Variants in RMDN2 observed in about 807,000 individuals in gnomAD.
RMDN2 encodes regulator of microtubule dynamics 2.
RMDN2 carries 61 observed loss-of-function variants against 52.8 expected under a neutral mutation model. That is an observed-to-expected ratio of 1.16 (90% confidence interval 0.94 to 1.43). The LOEUF (loss-of-function observed/expected upper bound fraction) is 1.43. RMDN2 is among the 40% of genes most tolerant of loss of function. The probability of loss-of-function intolerance (pLI) is 0.00; values close to 1 mark genes in which losing one functional copy is unlikely to be tolerated. For missense variants in RMDN2, 592 were observed against 475.3 expected (o/e 1.25, Z -2.28); for synonymous variants, 180 against 153.1 (o/e 1.18, Z -1.30).
At chr2:37,938,209 G>C (rs958027617) in intron 2 of RMDN2, among the ~76,000 whole-genome samples, 1 of 152,156 alleles carries the variant, frequency 6.6e-6, no homozygotes, top group Non-Finnish European at 1.5e-5. Context: ...ACTGATTTGT[G>C]TATGTTGAAC....
At chr2:37,953,654 C>T (rs144131154) in intron 2 of RMDN2, among the ~76,000 whole-genome samples, 111 of 152,138 alleles carry the variant, frequency 7.3e-4, no homozygotes, top group Middle Eastern at 3.4e-3. Flanking sequence ...TCTATGAACA[C>T]GTGCATGCAA....
intron 2 of RMDN2, among the ~76,000 whole-genome samples, chr2:37,961,237 C>G (rs1402723026): frequency 6.6e-6 from 1 of 152,084 alleles, no homozygotes; most frequent in East Asian, 1.9e-4. Context: ...GTTGGCCTGT[C>G]TTGCTATGTT....
At chr2:37,927,833 C>T (rs1572664388) in intron 1 of RMDN2, among the ~76,000 whole-genome samples, 1 of 152,178 alleles carries the variant, frequency 6.6e-6, no homozygotes, top group East Asian at 1.9e-4. Flanking sequence ...TACATTTACA[C>T]ATCTAGCAAT....
At chr2:38,020,080 G>C (rs1679228456), downstream of RMDN2, among the ~76,000 whole-genome samples, 1 of 152,048 alleles carries the variant, frequency 6.6e-6, no homozygotes, top group African/African-American at 2.4e-5. Context: ...AACCTTTTTT[G>C]GCACCAGGGG....
chr2:38,018,228 G>A (rs1387585694), downstream of RMDN2, among the ~76,000 whole-genome samples: 2 of 152,178 alleles, frequency 1.3e-5, no homozygotes, highest in Non-Finnish European at 2.9e-5. Flanking sequence ...CATTCGGAAA[G>A]CATTCAATGC....
chr2:37,983,447 A>C (rs1417348042), intron 5 of RMDN2, among the ~76,000 whole-genome samples: 1 of 152,220 alleles, frequency 6.6e-6, no homozygotes, highest in African/African-American at 2.4e-5. Flanking sequence ...CATAGCATTT[A>C]ACCCCAGTAT....
At chr2:38,056,844 A>G (rs1456220055) in intron 10 of RMDN2, among the ~76,000 whole-genome samples, 1 of 152,206 alleles carries the variant, frequency 6.6e-6, no homozygotes, top group Non-Finnish European at 1.5e-5. Flanking sequence ...TAGTTATGTT[A>G]TTACACTGTG....
chr2:37,977,031 T>G (rs1042938415), intron 4 of RMDN2, among the ~76,000 whole-genome samples: 3 of 152,068 alleles, frequency 2.0e-5, no homozygotes, highest in Non-Finnish European at 4.4e-5. Context: ...TACTTCAGAT[T>G]AGGGAGTGGT....
chr2:37,982,290 G>C (rs1333220826), intron 5 of RMDN2, among the ~76,000 whole-genome samples: 1 of 152,132 alleles, frequency 6.6e-6, no homozygotes, highest in Non-Finnish European at 1.5e-5. Flanking sequence ...CCAGCAGGGG[G>C]AGCTCCACTC....
chr2:38,017,540 A>G lies in RMDN2; in HGVS notation c.*301A>G, dbSNP rs1290411601. 1 of 1,135,690 alleles carries G rather than the reference A, an allele frequency of 8.8e-7. No homozygotes were observed. Among genetic ancestry groups the G allele is most frequent in the Non-Finnish European group, 1.2e-6 (1 of 859,664 alleles). The allele number at this position is 1,135,690 out of a possible 1,614,324, so 70.4% of individuals were successfully genotyped here. ...TTAAATAAAATATTTAAATCCAATA[A>G]AATGAATTCTCATGAATATTTTATT... On this transcript the variant is annotated 3_prime_UTR_variant, in exon 11 of 11. Coordinates refer to ENST00000354545, the MANE Select transcript of RMDN2 (RefSeq NM_001170791.3).
intron 2 of RMDN2, chr2:37,951,630 A>G (rs1179774179): frequency 6.2e-7 from 1 of 1,613,350 alleles, no homozygotes; most frequent in African/African-American, 1.3e-5. Context: ...TTCCTATTAC[A>G]AGAGTGCCAT....
At chr2:38,056,837 TTA>T (rs1681871559) in intron 10 of RMDN2, among the ~76,000 whole-genome samples, 1 of 152,234 alleles carries the variant, frequency 6.6e-6, no homozygotes, top group Admixed American at 6.5e-5. Flanking sequence ...TTTGTTTTAG[TTA>T]TGTTATTACA....
intron 5 of RMDN2, among the ~76,000 whole-genome samples, chr2:37,983,601 T>C (rs1673610551): frequency 6.6e-6 from 1 of 152,214 alleles, no homozygotes; most frequent in South Asian, 2.1e-4. Flanking sequence ...TTAATTCTTA[T>C]ACTATATCCC....
chr2:38,014,777 C>G (rs1232496537), intron 10 of RMDN2, among the ~76,000 whole-genome samples: 1 of 152,122 alleles, frequency 6.6e-6, no homozygotes, highest in African/African-American at 2.4e-5. Flanking sequence ...TAGAGGTGTA[C>G]TCTGCTAGAG....
intron 5 of RMDN2, among the ~76,000 whole-genome samples, chr2:37,986,455 C>T (rs955414409): frequency 7.2e-5 from 11 of 151,978 alleles, no homozygotes; most frequent in Admixed American, 3.3e-4. Flanking sequence ...TGTAGCATTA[C>T]CCTAATACCA....
chr2:37,983,858 A>G (rs774111839), intron 5 of RMDN2, among the ~76,000 whole-genome samples: 10 of 152,238 alleles, frequency 6.6e-5, no homozygotes, highest in Non-Finnish European at 1.5e-4. Context: ...ATGACAAACT[A>G]TAGCCTGCAG....
At chr2:38,031,047 T>C (rs1436905394) in intron 10 of RMDN2, among the ~76,000 whole-genome samples, 1 of 151,924 alleles carries the variant, frequency 6.6e-6, no homozygotes, top group East Asian at 1.9e-4. Flanking sequence ...CAAGAACATT[T>C]AAGTGTCTCC....
At position 37,994,832 on chromosome 2, in the gene RMDN2, T is replaced by C. The variant is rs141773364; in HGVS notation, c.946-2584T>C. Among the ~76,000 whole-genome samples the C allele has an allele frequency of 8.8e-3, 1,343 of 152,288 alleles. 23 individuals are homozygous for C. Among genetic ancestry groups the C allele is most frequent in the African/African-American group, 0.03 (1,263 of 41,554 alleles). On this transcript the variant is annotated intron_variant, in intron 7 of 10. Transcript: ENST00000354545. The stretch of plus-strand genomic sequence containing the variant: ...ATATGCTCACACAAAGACTAGCATA[T>C]GAATTTTCATAGCAGCCTTAGCAGC...
intron 4 of RMDN2, among the ~76,000 whole-genome samples, chr2:37,979,678 T>C (rs1039512792): frequency 1.3e-5 from 2 of 152,168 alleles, no homozygotes; most frequent in African/African-American, 4.8e-5. Context: ...CAAAATACAG[T>C]TCTCTAAAGG....
Sources: gnomAD v4.1 joint callset for allele counts (sites outside exome capture counted in the v4.1 genomes callset) on GRCh38, gnomAD v4.1.1 for gene constraint, MANE v1.5 for transcripts, NCBI Gene and HGNC (gene_info 2026-07-23, HGNC 2026-07-21) for gene names.